Variants in NFASC observed in about 807,000 individuals in gnomAD.
The protein encoded by NFASC is neurofascin.
In NFASC, 43 loss-of-function variants were observed where a neutral mutation model predicts 147.5. That is an observed-to-expected ratio of 0.29 (90% CI 0.23 to 0.38). NFASC has a LOEUF of 0.38. Among genes scored for constraint, NFASC ranks in the 10% least tolerant of loss-of-function variants. The pLI, the probability that NFASC is intolerant of heterozygous loss-of-function variation, is 1.00. For missense variants in NFASC, 1,320 were observed against 1,689.0 expected, an observed-to-expected ratio of 0.78 and a Z score of 3.83; for synonymous variants, 622 against 665.5, an observed-to-expected ratio of 0.93 and a Z score of 1.01.
chr1:204,867,562 A>G (rs1032529043), intron 1 of NFASC, among the ~76,000 whole-genome samples: 1 of 152,116 alleles, frequency 6.6e-6, no homozygotes, highest in African/African-American at 2.4e-5. Flanking sequence ...GCACACACAT[A>G]TAAGTCAGAT....
chr1:204,951,711 G>A (rs7539249), intron 4 of NFASC, among the ~76,000 whole-genome samples: 52,955 of 151,304 alleles, frequency 0.35, 10,315 homozygotes, highest in Non-Finnish European at 0.44. Context: ...CCTCGTGATC[G>A]GCCTGCTTCT....
At chr1:204,906,910 C>T (rs1335363474) in intron 1 of NFASC, among the ~76,000 whole-genome samples, 2 of 152,164 alleles carry the variant, frequency 1.3e-5, no homozygotes, top group African/African-American at 4.8e-5. Context: ...GTCTGCATCT[C>T]CTGACCTTGT....
At chr1:204,833,611 C>G (rs1571829954) in intron 1 of NFASC, among the ~76,000 whole-genome samples, 1 of 152,320 alleles carries the variant, frequency 6.6e-6, no homozygotes, top group South Asian at 2.1e-4. Context: ...GTGGTTCCTG[C>G]TTTCAAATAG....
chr1:204,943,268 T>C (rs1037191306), intron 2 of NFASC, among the ~76,000 whole-genome samples: 46 of 152,308 alleles, frequency 3.0e-4, no homozygotes, highest in African/African-American at 9.1e-4. Flanking sequence ...AGCACTCTAT[T>C]TGAGTCTCAG....
chr1:204,857,430 A>G (rs943988916), intron 1 of NFASC, among the ~76,000 whole-genome samples: 4 of 152,154 alleles, frequency 2.6e-5, no homozygotes, highest in African/African-American at 9.7e-5. Flanking sequence ...GGAGCAGAAT[A>G]ACCCAAAATA....
intron 1 of NFASC, among the ~76,000 whole-genome samples, chr1:204,875,409 G>A (rs1008090468): frequency 6.6e-6 from 1 of 152,156 alleles, no homozygotes; most frequent in Non-Finnish European, 1.5e-5. Context: ...CTGCCTCCCA[G>A]AAGTCACATG....
At chr1:205,012,093 C>T (rs1443479510) in intron 28 of NFASC, among the ~76,000 whole-genome samples, 2 of 152,122 alleles carry the variant, frequency 1.3e-5, no homozygotes, top group African/African-American at 2.4e-5. Flanking sequence ...TGTAAGTGCC[C>T]GCTGTGCATC....
At chr1:204,883,358 G>A (rs963912940) in intron 1 of NFASC, among the ~76,000 whole-genome samples, 4 of 152,186 alleles carry the variant, frequency 2.6e-5, no homozygotes, top group East Asian at 1.9e-4. Context: ...GGGCTGGGGC[G>A]GCACTGGAGC....
chr1:205,012,747 G>A (rs770475899), intron 28 of NFASC, 50 bp from the exon 29 acceptor site: 2 of 1,332,800 alleles, frequency 1.5e-6, no homozygotes, highest in South Asian at 2.3e-5. Context: ...GAGAGCAGGG[G>A]CATGTACTTA....
chr1:204,905,048 T>A (rs988997779), intron 1 of NFASC, among the ~76,000 whole-genome samples: 1 of 152,194 alleles, frequency 6.6e-6, no homozygotes, highest in African/African-American at 2.4e-5. Context: ...CCTCCTCCAC[T>A]ACCAGAAGCA....
chr1:204,850,993 G>C (rs1159206559), intron 1 of NFASC, among the ~76,000 whole-genome samples: 1 of 152,126 alleles, frequency 6.6e-6, no homozygotes, highest in Non-Finnish European at 1.5e-5. Context: ...ATGGCTACCA[G>C]ATTGTATTCA....
intron 7 of NFASC, among the ~76,000 whole-genome samples, 168 bp downstream of exon 7, chr1:204,955,119 G>A (rs1278375201): frequency 6.6e-6 from 1 of 152,156 alleles, no homozygotes; most frequent in Non-Finnish European, 1.5e-5. Context: ...GAGGCTGCTT[G>A]GGCTTATTTT....
At chr1:205,006,189 A>C (rs1366408495) in intron 27 of NFASC, among the ~76,000 whole-genome samples, 1 of 152,198 alleles carries the variant, frequency 6.6e-6, no homozygotes, top group Non-Finnish European at 1.5e-5. Context: ...AAAAACCTAA[A>C]TCAGTATGCC....
Position 205,017,854 on chromosome 1 carries a change from C to T in NFASC, c.*1315C>T, listed in dbSNP as rs777807017. The T allele has an allele frequency of 1.3e-5, 2 of 152,702 alleles. No homozygotes were observed. The allele number at this position is 152,702 out of a possible 1,614,324, so 9.5% of individuals were successfully genotyped here. ...TTGTGATGCCCCCACCTAGGGAGGA[C>T]TCAATGCTCTTTGTATGCCTTATGC... On this transcript the variant is annotated 3_prime_UTR_variant, in exon 30 of 30. Transcript: ENST00000339876.
At chr1:204,864,155 C>T (rs1166817216) in intron 1 of NFASC, among the ~76,000 whole-genome samples, 1 of 152,122 alleles carries the variant, frequency 6.6e-6, no homozygotes, top group Non-Finnish European at 1.5e-5. Flanking sequence ...TGGTTTATTT[C>T]ACTTAGCATA....
In NFASC at chr1:204,935,407, G is replaced by A. The variant is rs1028746918; in HGVS notation, c.-90-8819G>A. 6.6e-5 allele frequency among the ~76,000 whole-genome samples: 10 copies of A among 152,318 alleles called. No individual in the cohort carries two copies. The East Asian group carries it at 1.7e-3, about 26-fold the overall frequency. ...GGGGAGTGGGAAAGCTTTGTCATGA[G>A]TGAAAGGAAGGCTCCAGATGTGTCT... On this transcript the variant is annotated intron_variant, in intron 2 of 29. Transcript: ENST00000339876.
intron 1 of NFASC, among the ~76,000 whole-genome samples, chr1:204,905,477 T>C (rs61819446): frequency 0.15 from 23,421 of 152,152 alleles, 2,105 homozygotes; most frequent in East Asian, 0.37. Context: ...TCTTTTTATA[T>C]GTATGTTAGC....
Position 204,954,344 on chromosome 1 carries a change from T to A in NFASC, c.372T>A (p.Phe124Leu). The stretch of plus-strand genomic sequence containing the variant: ...ATCAGTGCTTCGCCCGCAACAAATT[T>A]GGCACGGCCCTGTCCAATAGGATCC... ...GEYQCFARNK[F>L]GTALSNRIRL... Residue 124 changes from phenylalanine (F) to leucine (L), a missense_variant, in exon 6 of 30, where the codon TTT becomes TTA. Around this residue, in one of 3 missense-constraint regions of NFASC, gnomAD observed 981 missense variants for 1,289.5 expected, o/e 0.76. Transcript: ENST00000339876. The surrounding 1 kb of genome is among the most constrained non-coding windows in gnomAD (Gnocchi z 5.7). The A allele has an allele frequency of 6.2e-7, 1 of 1,614,196 alleles. No individual in the cohort carries two copies. The highest frequency in any genetic ancestry group is 8.5e-7 in the Non-Finnish European group (1 of 1,180,034).
At chr1:204,908,938 G>A (rs561945828) in intron 1 of NFASC, among the ~76,000 whole-genome samples, 1 of 152,266 alleles carries the variant, frequency 6.6e-6, no homozygotes, top group Admixed American at 6.5e-5. Flanking sequence ...TTGCTGAGTA[G>A]TGTTCCATGG....
Sources: gnomAD v4.1 joint callset for allele counts (sites outside exome capture counted in the v4.1 genomes callset) on GRCh38, gnomAD v4.1.1 for gene constraint, gnomAD v4.1.1 regional missense constraint, Gnocchi (gnomAD v3.1) non-coding constraint, MANE v1.5 for transcripts, NCBI Gene and HGNC (gene_info 2026-07-23, HGNC 2026-07-21) for gene names.